The following FCMR variants were observed in gnomAD, a reference collection of about 807,000 sequenced individuals.
FCMR encodes the protein immunoglobulin mu Fc receptor.
Under a neutral mutation model 41.6 loss-of-function variants are expected in FCMR, and 34 were observed. That is an observed-to-expected ratio of 0.82 (90% CI 0.62 to 1.09). FCMR has a LOEUF of 1.09. Among genes scored for constraint, FCMR ranks in the 50% least tolerant of loss-of-function variants. The probability of loss-of-function intolerance (pLI) is 0.00; values close to 1 mark genes in which losing one functional copy is unlikely to be tolerated. For synonymous variants in FCMR, 209 were observed against 211.8 expected (o/e 0.99, Z 0.12); for missense variants, 496 against 512.5 (o/e 0.97, Z 0.31).
rs772034106 is a variant in FCMR, at chr1:206,911,719, T to C, written c.710+11A>G. The C allele has an allele frequency of 1.2e-6, 2 of 1,608,560 alleles. No homozygotes were observed. Among genetic ancestry groups the C allele is most frequent in the African/African-American group, 1.3e-5 (1 of 74,686 alleles). ...TAGCCTAACTCTAGATCCTGGACAG[T>C]GGTCTCTTACCTCTGCCTGTGCAGC... On this transcript the variant is annotated intron_variant, in intron 4 of 7. Coordinates refer to ENST00000367091, the MANE Select transcript of FCMR (RefSeq NM_005449.5).
upstream of FCMR, among the ~76,000 whole-genome samples, chr1:206,922,268 G>A (rs1357599883): frequency 6.6e-6 from 1 of 152,158 alleles, no homozygotes; most frequent in Non-Finnish European, 1.5e-5. Context: ...CTGCCTTCAG[G>A]ATAAAAGAGC....
In FCMR at chr1:206,909,784, C is replaced by A; in HGVS notation, c.926G>T (p.Arg309Leu). Reference sequence around the variant, plus strand: ...GGCGCTGTAGATGTTGTTTTGGGAGCGCGGTCGCGGCGACCCGCGGGGCCT... The same window carrying A: ...GGCGCTGTAGATGTTGTTTTGGGAGAGCGGTCGCGGCGACCCGCGGGGCCT... ...SQRPRGSPRP[R>L]SQNNIYSACP... Residue 309 changes from arginine (R) to leucine (L), a missense_variant, in exon 6 of 8, where the codon CGC (arginine) becomes CTC (leucine). Arg to Leu is a moderately radical substitution (Grantham distance 102). Transcript: ENST00000367091. The surrounding 1 kb of genome is among the most constrained non-coding windows in gnomAD (Gnocchi z 5.0). 1 of 1,453,278 alleles carries A rather than the reference C, an allele frequency of 6.9e-7. No homozygotes were observed. The highest frequency in any genetic ancestry group is 9.0e-7 in the Non-Finnish European group (1 of 1,111,244). 90.0% of individuals were successfully genotyped at this position (1,453,278 alleles called of 1,614,324 possible).
In FCMR at chr1:206,911,949, G is replaced by A; in HGVS notation, c.491C>T (p.Thr164Ile). 6.2e-7 allele frequency: 1 copy of A among 1,608,704 alleles called. No individual in the cohort carries two copies. The highest frequency in any genetic ancestry group is 8.5e-7 in the Non-Finnish European group (1 of 1,178,180). Residue 164 changes from threonine (T) to isoleucine (I), a missense_variant, in exon 4 of 8, where the codon ACC becomes ATC. By Grantham distance (89) the Thr-to-Ile change is moderately conservative. Coordinates refer to ENST00000367091, the MANE Select transcript of FCMR (RefSeq NM_005449.5). ...ASSSKFVTRV[T>I]TPAQRGKVPP... ...GACCTTGCCCCTTTGAGCTGGTGTG[G>A]TAACTGCAGGAGGTAGCAGGAAAAA... is the stretch of plus-strand genomic sequence containing the variant.
At chr1:206,917,675 G>T (rs1679249835) in intron 1 of FCMR, 4 of 372,318 alleles carry the variant, frequency 1.1e-5, no homozygotes, top group South Asian at 8.2e-5. Flanking sequence ...CACCCAGGCT[G>T]GGGTGCAGTG....
chr1:206,904,676 G>C lies in FCMR; in HGVS notation c.*343C>G, dbSNP rs1047169655. The C allele has an allele frequency of 7.4e-5, 22 of 298,188 alleles. 1 individual carries two copies. Among genetic ancestry groups the C allele is most frequent in the Non-Finnish European group, 1.4e-4 (22 of 152,170 alleles). The allele number at this position is 298,188 out of a possible 1,614,324, so 18.5% of individuals were successfully genotyped here. On this transcript the variant is annotated 3_prime_UTR_variant, in exon 8 of 8. Coordinates refer to ENST00000367091, the MANE Select transcript of FCMR (RefSeq NM_005449.5). ...CCCCAGCCTGATGCCATGTGATCTA[G>C]AGCCTGGGCAGCAACAACCCTGTGG...
intron 1 of FCMR, among the ~76,000 whole-genome samples, chr1:206,918,947 T>G (rs771279309): frequency 8.5e-5 from 13 of 152,080 alleles, no homozygotes; most frequent in Non-Finnish European, 1.8e-4. Flanking sequence ...TGAATATTTT[T>G]AAGTTATAAA....
At position 206,904,897 on chromosome 1, in the gene FCMR, T is replaced by C. The variant is rs1678554780; in HGVS notation, c.*122A>G. On this transcript the variant is annotated 3_prime_UTR_variant, in exon 8 of 8. Transcript: ENST00000367091. Reference sequence around the variant, plus strand: ...AGATAGATGGGGATGGGAGTCGAGATGGGGCATGGGAAGTGATGAGGGCTC... The same window carrying C: ...AGATAGATGGGGATGGGAGTCGAGACGGGGCATGGGAAGTGATGAGGGCTC... 3 of 1,061,498 alleles carry C rather than the reference T, an allele frequency of 2.8e-6. No homozygotes were observed. The highest frequency in any genetic ancestry group is 2.8e-5 in the South Asian group (2 of 71,384). 65.8% of individuals were successfully genotyped at this position (1,061,498 alleles called of 1,614,324 possible).
Position 206,904,885 on chromosome 1 carries a change from T to A in FCMR, c.*134A>T, listed in dbSNP as rs1678554195. 1.4e-5 allele frequency: 13 copies of A among 946,610 alleles called. No homozygotes were observed. The highest frequency in any genetic ancestry group is 3.2e-5 in the African/African-American group (2 of 62,186). The allele number at this position is 946,610 out of a possible 1,614,324, so 58.6% of individuals were successfully genotyped here. On this transcript the variant is annotated 3_prime_UTR_variant, in exon 8 of 8. Coordinates refer to ENST00000367091, the MANE Select transcript of FCMR (RefSeq NM_005449.5). ...TGCTCAGGGCACAGATAGATGGGGA[T>A]GGGAGTCGAGATGGGGCATGGGAAG... is the stretch of plus-strand genomic sequence containing the variant.
rs535167633 is a variant in FCMR, at chr1:206,910,203, C to A, written c.841+7G>T. 3 of 1,594,594 alleles carry A rather than the reference C, an allele frequency of 1.9e-6. No individual in the cohort carries two copies. The highest frequency in any genetic ancestry group is 2.6e-6 in the Non-Finnish European group (3 of 1,172,200). ...TCAGCTCTCCCTACCGAAGCCCAGC[C>A]GCTCACCTTTCCTCCTTTCAACGGC... On this transcript the variant is annotated splice_region_variant and intron_variant, in intron 5 of 7. Transcript: ENST00000367091.
chr1:206,912,527 A>C (rs956379881), intron 3 of FCMR, among the ~76,000 whole-genome samples: 64 of 152,242 alleles, frequency 4.2e-4, no homozygotes, highest in African/African-American at 1.5e-3. Flanking sequence ...AATAGAGTTA[A>C]AATCATTAGA....
intron 1 of FCMR, chr1:206,917,849 C>T (rs1410284856): frequency 4.4e-6 from 2 of 453,546 alleles, no homozygotes; most frequent in African/African-American, 2.0e-5. Flanking sequence ...GAATCCCAGG[C>T]TCAAATGATC....
chr1:206,912,214 G>A (rs1678973831), intron 3 of FCMR, among the ~76,000 whole-genome samples: 1 of 152,150 alleles, frequency 6.6e-6, no homozygotes, highest in Non-Finnish European at 1.5e-5. Flanking sequence ...TGAGCAGGGG[G>A]AAAACCTTTT....
At chr1:206,916,844 A>G (rs764766073) in intron 1 of FCMR, among the ~76,000 whole-genome samples, 6 of 152,262 alleles carry the variant, frequency 3.9e-5, no homozygotes, top group South Asian at 2.1e-4. Flanking sequence ...ACATCTGTCT[A>G]GGGCATGGTC....
At chr1:206,910,179 C>T in intron 5 of FCMR, 31 bp downstream of exon 5, 1 of 1,564,256 alleles carries the variant, frequency 6.4e-7, no homozygotes, top group Non-Finnish European at 8.6e-7. Context: ...TTGGGCAGCT[C>T]AGCTCTCCCT....
chr1:206,911,715 A>G lies in FCMR; in HGVS notation c.710+15T>C. 1 of 1,607,206 alleles carries G rather than the reference A, an allele frequency of 6.2e-7. No homozygotes were observed. Among genetic ancestry groups the G allele is most frequent in the Non-Finnish European group, 8.5e-7 (1 of 1,175,726 alleles). Reference sequence around the variant, plus strand: ...ATTCTAGCCTAACTCTAGATCCTGGACAGTGGTCTCTTACCTCTGCCTGTG... The same window carrying G: ...ATTCTAGCCTAACTCTAGATCCTGGGCAGTGGTCTCTTACCTCTGCCTGTG... On this transcript the variant is annotated intron_variant, in intron 4 of 7. Coordinates refer to ENST00000367091, the MANE Select transcript of FCMR (RefSeq NM_005449.5).
At chr1:206,911,352 A>G (rs1405758600) in intron 4 of FCMR, among the ~76,000 whole-genome samples, 1 of 152,136 alleles carries the variant, frequency 6.6e-6, no homozygotes, top group Admixed American at 6.5e-5. Flanking sequence ...TGTGAGTCAC[A>G]TATGTAATTT....
intron 7 of FCMR, among the ~76,000 whole-genome samples, chr1:206,905,565 G>C (rs951572009): frequency 6.6e-6 from 1 of 152,164 alleles, no homozygotes; most frequent in African/African-American, 2.4e-5. Context: ...GTGATGTGGC[G>C]TCGTGACAGT....
intron 1 of FCMR, chr1:206,917,900 G>T (rs1351195967): frequency 2.3e-6 from 1 of 431,306 alleles, no homozygotes; most frequent in Admixed American, 2.8e-5. Flanking sequence ...TTACAGGCAT[G>T]AGTCTCCATG....
chr1:206,910,116 GCTC>G, intron 5 of FCMR, 91 bp downstream of exon 5: 1 of 1,369,118 alleles, frequency 7.3e-7, no homozygotes, highest in Non-Finnish European at 9.7e-7. Flanking sequence ...CTCATCAAAA[GCTC>G]CGAGTTTCCC....
Sources: gnomAD v4.1 joint callset for allele counts (sites outside exome capture counted in the v4.1 genomes callset) on GRCh38, gnomAD v4.1.1 for gene constraint, Gnocchi (gnomAD v3.1) non-coding constraint, MANE v1.5 for transcripts, NCBI Gene and HGNC (gene_info 2026-07-23, HGNC 2026-07-21) for gene names.